Variants in ALMS1 observed in about 807,000 individuals in gnomAD.
ALMS1 encodes centrosome-associated protein ALMS1.
Under a neutral mutation model 352.2 loss-of-function variants are expected in ALMS1, and 271 were observed. The observed-to-expected ratio is 0.77, with a 90% CI of 0.70 to 0.85. The LOEUF (loss-of-function observed/expected upper bound fraction) is 0.85. ALMS1 is among the 40% of genes least tolerant of loss of function. The pLI is 0.00. For synonymous variants in ALMS1, 1,865 were observed against 1,761.2 expected, an observed-to-expected ratio of 1.06 and a Z score of -1.48; for missense variants, 5,445 against 4,870.7, an observed-to-expected ratio of 1.12 and a Z score of -3.51.
chr2:73,573,754 GTT>G (rs57792928), intron 16 of ALMS1, among the ~76,000 whole-genome samples: 35 of 147,428 alleles, frequency 2.4e-4, no homozygotes, highest in African/African-American at 3.9e-4. Flanking sequence ...GTTTATTTGG[GTT>G]TTTTTTTTTT....
chr2:73,527,681 G>A (rs928255837), intron 11 of ALMS1, among the ~76,000 whole-genome samples: 9 of 151,788 alleles, frequency 5.9e-5, no homozygotes, highest in East Asian at 1.9e-4. Flanking sequence ...AAGGTTTGTC[G>A]ATTTTGTTTA....
intron 11 of ALMS1, among the ~76,000 whole-genome samples, chr2:73,527,768 C>A (rs1168541727): frequency 6.6e-6 from 1 of 151,646 alleles, no homozygotes; most frequent in South Asian, 2.1e-4. Flanking sequence ...TTGCTCTGAT[C>A]TTTATTTCTT....
At chr2:73,455,781 A>T (rs1384404930) in intron 9 of ALMS1, among the ~76,000 whole-genome samples, 1 of 152,182 alleles carries the variant, frequency 6.6e-6, no homozygotes, top group Non-Finnish European at 1.5e-5. Flanking sequence ...TTGATTCCAA[A>T]TTCATATTTT....
intron 15 of ALMS1, among the ~76,000 whole-genome samples, chr2:73,562,468 A>T (rs570125575): frequency 6.6e-6 from 1 of 152,236 alleles, no homozygotes; most frequent in Non-Finnish European, 1.5e-5. Context: ...ACAGAAAAAA[A>T]CAAGTAGAAA....
intron 11 of ALMS1, among the ~76,000 whole-genome samples, chr2:73,523,376 T>C (rs1673724140): frequency 6.6e-6 from 1 of 152,218 alleles, no homozygotes; most frequent in Non-Finnish European, 1.5e-5. Flanking sequence ...GTTTCTTCCT[T>C]AGAAGCAGGC....
intron 9 of ALMS1, among the ~76,000 whole-genome samples, chr2:73,465,393 T>C (rs1672312265): frequency 6.6e-6 from 1 of 152,154 alleles, no homozygotes; most frequent in Non-Finnish European, 1.5e-5. Flanking sequence ...GGGGAAAGGA[T>C]TCCCTATTTA....
At chr2:73,597,017 G>A (rs77931103) in intron 16 of ALMS1, among the ~76,000 whole-genome samples, 10,845 of 151,684 alleles carry the variant, frequency 0.071, 953 homozygotes, top group African/African-American at 0.2. Flanking sequence ...TTAATTTGGG[G>A]ATTATTGCCA....
chr2:73,566,153 T>C (rs1404758056), intron 15 of ALMS1, among the ~76,000 whole-genome samples: 3 of 152,220 alleles, frequency 2.0e-5, no homozygotes, highest in Non-Finnish European at 2.9e-5. Context: ...ATTCTAAAAT[T>C]AAAAGTTTAT....
chr2:73,554,533 G>A (rs1390571516), intron 13 of ALMS1, among the ~76,000 whole-genome samples: 2 of 150,974 alleles, frequency 1.3e-5, no homozygotes, highest in African/African-American at 2.4e-5. Context: ...GTGAAACCCC[G>A]TCTCTACTAA....
At chr2:73,595,747 G>C (rs1330092937) in intron 16 of ALMS1, among the ~76,000 whole-genome samples, 1 of 152,080 alleles carries the variant, frequency 6.6e-6, no homozygotes, top group African/African-American at 2.4e-5. Flanking sequence ...TTACATTCTC[G>C]CCTGCAATGT....
intron 12 of ALMS1, among the ~76,000 whole-genome samples, chr2:73,541,695 G>A (rs1674186481): frequency 6.6e-6 from 1 of 152,082 alleles, no homozygotes; most frequent in Admixed American, 6.5e-5. Context: ...TATCACCACC[G>A]ATCCCACAGA....
chr2:73,572,170 C>G (rs1376593221), intron 15 of ALMS1, 92 bp from the exon 16 acceptor site: 6 of 1,112,890 alleles, frequency 5.4e-6, no homozygotes, highest in Non-Finnish European at 7.6e-6. Flanking sequence ...TTCCTTTAGT[C>G]TTTGTTCTGT....
intron 10 of ALMS1, among the ~76,000 whole-genome samples, chr2:73,515,900 G>A (rs906582017): frequency 1.3e-5 from 2 of 151,944 alleles, no homozygotes; most frequent in Admixed American, 1.3e-4. Flanking sequence ...TCCCAAGATT[G>A]AGCCAGGAAG....
intron 3 of ALMS1, among the ~76,000 whole-genome samples, chr2:73,420,190 C>G (rs932344961): frequency 2.3e-4 from 35 of 152,082 alleles, no homozygotes; most frequent in African/African-American, 8.5e-4. Context: ...ATTCATGTAA[C>G]AAATATCTAA....
chr2:73,581,792 T>C (rs971593208), intron 16 of ALMS1, among the ~76,000 whole-genome samples: 22 of 151,958 alleles, frequency 1.4e-4, no homozygotes, highest in African/African-American at 4.8e-4. Flanking sequence ...TTGCCCAGCC[T>C]GGAGTGCAGT....
intron 10 of ALMS1, among the ~76,000 whole-genome samples, chr2:73,511,260 C>T (rs368091140): frequency 2.6e-5 from 4 of 152,032 alleles, no homozygotes; most frequent in Non-Finnish European, 5.9e-5. Context: ...GCAACTATCT[C>T]GGTGTCTGCC....
At chr2:73,480,013 C>T (rs1255746752) in intron 9 of ALMS1, among the ~76,000 whole-genome samples, 6 of 151,928 alleles carry the variant, frequency 3.9e-5, no homozygotes, top group Non-Finnish European at 8.8e-5. Context: ...CAGTCTCTTT[C>T]TCCTGTTAAG....
At chr2:73,504,854 A>G (rs11888874) in intron 10 of ALMS1, among the ~76,000 whole-genome samples, 2,477 of 152,036 alleles carry the variant, frequency 0.016, 69 homozygotes, top group African/African-American at 0.057. Context: ...TACATTACGT[A>G]TTTCTCCTAA....
chr2:73,444,245 C>T (rs1467844611), intron 7 of ALMS1, among the ~76,000 whole-genome samples: 2 of 152,176 alleles, frequency 1.3e-5, no homozygotes, highest in Non-Finnish European at 2.9e-5. Context: ...TCTGAAATTA[C>T]ATCTTCTCCT....
Sources: gnomAD v4.1 joint callset for allele counts (sites outside exome capture counted in the v4.1 genomes callset) on GRCh38, gnomAD v4.1.1 for gene constraint, MANE v1.5 for transcripts, NCBI Gene and HGNC (gene_info 2026-07-23, HGNC 2026-07-21) for gene names.